ATP8B1: variants seen among roughly 807,000 people sequenced by gnomAD.
ATP8B1 encodes phospholipid-transporting ATPase IC.
A neutral mutation model predicts 149.9 loss-of-function variants in ATP8B1; 80 were observed. The ratio of observed to expected loss-of-function variants is 0.53; its 90% confidence interval spans 0.45 to 0.64. The LOEUF (loss-of-function observed/expected upper bound fraction) is 0.64, where lower values mean the gene tolerates loss of function less well. ATP8B1 is among the 30% of genes least tolerant of loss of function. The pLI is 0.00. For missense variants in ATP8B1, 1,247 were observed against 1,552.6 expected, an observed-to-expected ratio of 0.80 and a Z score of 3.31; for synonymous variants, 536 against 562.8, an observed-to-expected ratio of 0.95 and a Z score of 0.67.
intron 1 of ATP8B1, among the ~76,000 whole-genome samples, chr18:57,791,346 CTTTTCTTTT>C (rs1238869375): frequency 2.4e-5 from 3 of 124,970 alleles, no homozygotes; most frequent in African/African-American, 1.0e-4. Context: ...TTTTTCTTTT[CTTTTCTTTT>C]TTTTTTTTTT....
chr18:57,764,853 T>G (rs996746618), intron 1 of ATP8B1, among the ~76,000 whole-genome samples: 1 of 149,692 alleles, frequency 6.7e-6, no homozygotes, highest in Non-Finnish European at 1.5e-5. Context: ...TATAAAACGG[T>G]GTAGCCACTG....
Position 57,672,968 on chromosome 18 carries a change from C to A in ATP8B1, c.1820-1388G>T, listed in dbSNP as rs369824534. On this transcript the variant is annotated intron_variant, in intron 16 of 27. Coordinates refer to ENST00000648908, the MANE Select transcript of ATP8B1 (RefSeq NM_001374385.1). ...ACACATATATACATACATATATCTA[C>A]ATATATACACACATATATAAATACA... 8.8e-5 allele frequency among the ~76,000 whole-genome samples: 3 copies of A among 34,276 alleles called. 1 individual carries two copies. The highest frequency in any genetic ancestry group is 5.8e-4 in the Admixed American group (1 of 1,738). The allele number at this position is 34,276 out of a possible 152,430, so 22.5% of individuals were successfully genotyped here.
At chr18:57,677,890 A>G (rs1300426075) in intron 15 of ATP8B1, among the ~76,000 whole-genome samples, 1 of 152,214 alleles carries the variant, frequency 6.6e-6, no homozygotes, top group Admixed American at 6.5e-5. Flanking sequence ...AAAAAGTGGT[A>G]AAGTTCCCAC....
chr18:57,687,562 T>G (rs142575059), intron 13 of ATP8B1, among the ~76,000 whole-genome samples: 288 of 152,298 alleles, frequency 1.9e-3, no homozygotes, highest in African/African-American at 6.7e-3. Context: ...CCTTCCTTTC[T>G]TAGACTGAAT....
At chr18:57,667,488 T>C (rs1386311932) in intron 19 of ATP8B1, 1 of 310,360 alleles carries the variant, frequency 3.2e-6, no homozygotes, top group East Asian at 7.1e-5. Flanking sequence ...AGTAATGATA[T>C]TTTTTAGTTC....
At chr18:57,773,300 G>C (rs975406095) in intron 1 of ATP8B1, among the ~76,000 whole-genome samples, 1 of 151,952 alleles carries the variant, frequency 6.6e-6, no homozygotes, top group African/African-American at 2.4e-5. Context: ...AGTGCAGAAA[G>C]TCCTTACTGT....
intron 2 of ATP8B1, among the ~76,000 whole-genome samples, chr18:57,714,051 G>A (rs1913877546): frequency 1.3e-5 from 2 of 152,206 alleles, no homozygotes; most frequent in African/African-American, 4.8e-5. Flanking sequence ...TTTTGCCAGA[G>A]GGGAGCTCAC....
chr18:57,770,182 C>CCTCA lies in ATP8B1; in HGVS notation c.-26+32812_-26+32815dup, dbSNP rs1290657751. Among the ~76,000 whole-genome samples the CCTCA allele has an allele frequency of 4.0e-4, 61 of 151,858 alleles. 1 individual carries two copies. The highest frequency in any genetic ancestry group is 3.5e-4 in the Non-Finnish European group (24 of 67,980). The stretch of plus-strand genomic sequence containing the variant: ...CTCCCAGGTTCAAGCGATTCTCCTG[C>CCTCA]CTCAGCCTCCTGAGTAGCTGGGACT... On this transcript the variant is annotated intron_variant, in intron 1 of 27. Coordinates refer to ENST00000648908, the MANE Select transcript of ATP8B1 (RefSeq NM_001374385.1).
chr18:57,724,525 GAA>G, intron 2 of ATP8B1, among the ~76,000 whole-genome samples: 1 of 152,276 alleles, frequency 6.6e-6, no homozygotes, highest in Non-Finnish European at 1.5e-5. Context: ...GGCCATCAGA[GAA>G]ATGCAAATCA....
chr18:57,658,627 T>TTGTGTGTGTGTGTG (rs71171058), intron 22 of ATP8B1, among the ~76,000 whole-genome samples: 16 of 145,084 alleles, frequency 1.1e-4, no homozygotes, highest in Admixed American at 2.8e-4. Context: ...AACAATTTCT[T>TTGTGTGTGTGTGTG]TGTGTGTGTG....
In ATP8B1 at chr18:57,697,501, C is replaced by T. The variant is rs914636210; in HGVS notation, c.698+117G>A. On this transcript the variant is annotated intron_variant, in intron 8 of 27. Transcript: ENST00000648908. Reference sequence around the variant, plus strand: ...AAGGTGAGATCAGTAGGGACAGCAGCAGGTGGCAGAGGCAAGGCCAGATAT... The same window carrying T: ...AAGGTGAGATCAGTAGGGACAGCAGTAGGTGGCAGAGGCAAGGCCAGATAT... 25 of 1,025,742 alleles carry T rather than the reference C, an allele frequency of 2.4e-5. No homozygotes were observed. The Admixed American group carries it at 3.7e-4, about 15-fold the overall frequency. The allele number at this position is 1,025,742 out of a possible 1,614,324, so 63.5% of individuals were successfully genotyped here.
chr18:57,763,228 A>G (rs2080173329), intron 1 of ATP8B1, among the ~76,000 whole-genome samples: 1 of 152,048 alleles, frequency 6.6e-6, no homozygotes, highest in African/African-American at 2.4e-5. Flanking sequence ...CCCTGTCTCT[A>G]CTAAAAATAC....
At chr18:57,719,031 G>T (rs1023306724) in intron 2 of ATP8B1, among the ~76,000 whole-genome samples, 1 of 152,222 alleles carries the variant, frequency 6.6e-6, no homozygotes. Flanking sequence ...AGAAATAAAC[G>T]GCATCCAAAT....
chr18:57,768,386 CAAAAAAAAAAAA>C (rs145660399), intron 1 of ATP8B1, among the ~76,000 whole-genome samples: 2 of 68,178 alleles, frequency 2.9e-5, no homozygotes, highest in African/African-American at 1.2e-4. Flanking sequence ...GACCCTGTCT[CAAAAAAAAAAAA>C]AAAAAAAAAA....
At chr18:57,700,506 GAT>G (rs1308832400) in intron 6 of ATP8B1, among the ~76,000 whole-genome samples, 1 of 152,012 alleles carries the variant, frequency 6.6e-6, no homozygotes, top group African/African-American at 2.4e-5. Flanking sequence ...TAAAAGTGTT[GAT>G]ATGTTAAAAA....
chr18:57,713,871 C>T (rs79005333), intron 2 of ATP8B1, among the ~76,000 whole-genome samples: 1 of 152,010 alleles, frequency 6.6e-6, no homozygotes, highest in Admixed American at 6.6e-5. Context: ...AAGTGATCTG[C>T]CCGCCTCAGC....
intron 6 of ATP8B1, among the ~76,000 whole-genome samples, chr18:57,698,726 T>C (rs751438587): frequency 2.0e-5 from 3 of 152,244 alleles, no homozygotes; most frequent in South Asian, 2.1e-4. Flanking sequence ...TTATGGTCAG[T>C]TGTCTGATGG....
chr18:57,656,009 T>C (rs2122594353), intron 22 of ATP8B1, among the ~76,000 whole-genome samples: 1 of 152,342 alleles, frequency 6.6e-6, no homozygotes, highest in South Asian at 2.1e-4. Context: ...TTGGGATTTC[T>C]GCAGCAGAGC....
chr18:57,717,661 A>G (rs2079596924), intron 2 of ATP8B1, among the ~76,000 whole-genome samples: 1 of 150,998 alleles, frequency 6.6e-6, no homozygotes, highest in Admixed American at 6.6e-5. Flanking sequence ...CAAAGCAGAG[A>G]TAAATGACAT....
Sources: allele counts gnomAD v4.1 joint callset (sites outside exome capture counted in the v4.1 genomes callset), GRCh38; gene constraint gnomAD v4.1.1; transcripts MANE v1.5; gene names NCBI Gene and HGNC (gene_info 2026-07-23, HGNC 2026-07-21).